ARID1B: variants seen among roughly 807,000 people sequenced by gnomAD.
ARID1B encodes the protein AT-rich interactive domain-containing protein 1B.
In ARID1B, 30 loss-of-function variants were observed where a neutral mutation model predicts 212.3. That is an observed-to-expected ratio of 0.14 (90% CI 0.11 to 0.19). The LOEUF (loss-of-function observed/expected upper bound fraction) is 0.19, where lower values mean the gene tolerates loss of function less well. ARID1B is among the 10% of genes least tolerant of loss of function. The probability of loss-of-function intolerance (pLI) is 1.00; values close to 1 mark genes in which losing one functional copy is unlikely to be tolerated. For synonymous variants in ARID1B, 1,402 were observed against 1,301.7 expected (o/e 1.08, Z -1.66); for missense variants, 2,891 against 3,204.0 (o/e 0.90, Z 2.36).
intron 6 of ARID1B, among the ~76,000 whole-genome samples, chr6:157,122,446 A>G (rs1354839964): frequency 6.6e-6 from 1 of 152,242 alleles, no homozygotes; most frequent in Non-Finnish European, 1.5e-5. Flanking sequence ...TAGATATACA[A>G]AATGTGGAAT....
intron 4 of ARID1B, among the ~76,000 whole-genome samples, chr6:157,016,099 GTGTC>G (rs1335318815): frequency 2.0e-5 from 3 of 152,202 alleles, no homozygotes; most frequent in Non-Finnish European, 4.4e-5. Flanking sequence ...CTTGTAGACA[GTGTC>G]TGTCAAATTA....
intron 4 of ARID1B, among the ~76,000 whole-genome samples, chr6:156,973,013 A>G (rs1777024674): frequency 6.6e-6 from 1 of 152,226 alleles, no homozygotes; most frequent in Admixed American, 6.5e-5. Flanking sequence ...ATTGTATTAT[A>G]TAAAACCATA....
At chr6:156,992,300 T>C (rs555161852) in intron 4 of ARID1B, among the ~76,000 whole-genome samples, 2 of 152,166 alleles carry the variant, frequency 1.3e-5, no homozygotes, top group Non-Finnish European at 2.9e-5. Flanking sequence ...ATCATTGCAG[T>C]TCGGTTGCTC....
chr6:156,974,447 G>A (rs1281643393), intron 4 of ARID1B, among the ~76,000 whole-genome samples: 1 of 152,190 alleles, frequency 6.6e-6, no homozygotes, highest in Non-Finnish European at 1.5e-5. Context: ...CAATTGTGTA[G>A]AGGTAAAGAG....
intron 11 of ARID1B, among the ~76,000 whole-genome samples, chr6:157,179,264 T>A (rs1354018790): frequency 6.6e-6 from 1 of 152,158 alleles, no homozygotes; most frequent in Non-Finnish European, 1.5e-5. Context: ...TACTAAAATT[T>A]AGGAACCTGT....
intron 4 of ARID1B, among the ~76,000 whole-genome samples, chr6:157,033,876 T>A (rs1781163407): frequency 6.6e-6 from 1 of 152,216 alleles, no homozygotes; most frequent in African/African-American, 2.4e-5. Context: ...TCTACTTTGT[T>A]ATCCTAAACC....
At chr6:157,031,954 G>A (rs1328849198) in intron 4 of ARID1B, among the ~76,000 whole-genome samples, 7 of 152,062 alleles carry the variant, frequency 4.6e-5, no homozygotes, top group Non-Finnish European at 8.8e-5. Context: ...GCGCCACCAC[G>A]CTCAGCTAAT....
chr6:156,778,998 G>GGCT lies in ARID1B; in HGVS notation c.1319_1321dup (p.Gly440_Tyr441insCys). On this transcript the variant is annotated inframe_insertion, in exon 1 of 20. Coordinates refer to ENST00000636930, the MANE Select transcript of ARID1B (RefSeq NM_001374828.1). ...AGCAGCAGGAGGCGGCGGCGGCGGC[G>GGCT]GCTATGGGGGCTCGTCCGCGGGGTA... 1 of 1,269,998 alleles carries GGCT rather than the reference G, an allele frequency of 7.9e-7. No individual in the cohort carries two copies. The highest frequency in any genetic ancestry group is 9.8e-7 in the Non-Finnish European group (1 of 1,018,744). The allele number at this position is 1,269,998 out of a possible 1,614,324, so 78.7% of individuals were successfully genotyped here.
At chr6:157,102,349 C>T (rs1306363589) in intron 5 of ARID1B, among the ~76,000 whole-genome samples, 2 of 152,174 alleles carry the variant, frequency 1.3e-5, no homozygotes, top group Non-Finnish European at 2.9e-5. Flanking sequence ...TACAAGTAAT[C>T]ATTTATCTAA....
chr6:156,895,814 T>A (rs1196946224), intron 2 of ARID1B, among the ~76,000 whole-genome samples: 1 of 152,174 alleles, frequency 6.6e-6, no homozygotes, highest in African/African-American at 2.4e-5. Context: ...TTGCTTCACA[T>A]CTTTCTTTTT....
chr6:157,175,074 A>G, intron 11 of ARID1B, 69 bp downstream of exon 11: 1 of 1,199,572 alleles, frequency 8.3e-7, no homozygotes, highest in Middle Eastern at 3.0e-4. Context: ...ATAATTAATT[A>G]ATTCTACTTG....
At chr6:156,808,914 T>C in intron 1 of ARID1B, among the ~76,000 whole-genome samples, 1 of 152,190 alleles carries the variant, frequency 6.6e-6, no homozygotes, top group Non-Finnish European at 1.5e-5. Flanking sequence ...TGTCTTAAGA[T>C]TTGTACACAC....
chr6:157,202,638 G>A (rs1305352239), intron 18 of ARID1B, among the ~76,000 whole-genome samples: 1 of 151,644 alleles, frequency 6.6e-6, no homozygotes, highest in African/African-American at 2.4e-5. Context: ...AGCAGTGACT[G>A]TGCCACTGTA....
At chr6:157,140,014 G>A (rs922179870) in intron 7 of ARID1B, among the ~76,000 whole-genome samples, 6 of 151,956 alleles carry the variant, frequency 3.9e-5, no homozygotes, top group South Asian at 2.1e-4. Context: ...ATGAGCCACC[G>A]TGCCCAGCCT....
intron 2 of ARID1B, among the ~76,000 whole-genome samples, chr6:156,883,055 A>C (rs991396878): frequency 4.6e-5 from 7 of 152,192 alleles, no homozygotes; most frequent in African/African-American, 1.7e-4. Context: ...CAACTGCCTT[A>C]GGTTTCTTCT....
At chr6:156,816,739 G>A (rs867500091) in intron 1 of ARID1B, among the ~76,000 whole-genome samples, 2 of 152,204 alleles carry the variant, frequency 1.3e-5, no homozygotes, top group African/African-American at 4.8e-5. Flanking sequence ...CATCGGCTTG[G>A]TGGTGCATAA....
At chr6:157,143,210 G>T (rs1319359710) in intron 7 of ARID1B, among the ~76,000 whole-genome samples, 1 of 152,192 alleles carries the variant, frequency 6.6e-6, no homozygotes, top group African/African-American at 2.4e-5. Flanking sequence ...TTGGCTGCAA[G>T]ACCAGTCCAG....
intron 2 of ARID1B, among the ~76,000 whole-genome samples, chr6:156,839,551 A>G (rs1783748168): frequency 6.6e-6 from 1 of 152,242 alleles, no homozygotes; most frequent in South Asian, 2.1e-4. Context: ...GCTGCCAGGA[A>G]GAGCTAATCT....
rs1406564750 is a variant in ARID1B at position 156,779,700 on chromosome 6, G to A, written c.1791+229G>A. The stretch of plus-strand genomic sequence containing the variant: ...GCTTCGCCGGGCCGGGCCGGGCCGG[G>A]TGGCTTCTACCCCGCCGGCCCGCAC... On this transcript the variant is annotated intron_variant, in intron 1 of 19. Transcript: ENST00000636930. The A allele has an allele frequency of 2.0e-5, 4 of 199,436 alleles. No homozygotes were observed. In the East Asian group the frequency reaches 6.8e-4, roughly 34 times the overall value. 12.4% of individuals were successfully genotyped at this position (199,436 alleles called of 1,614,324 possible).
Sources: gnomAD v4.1 joint callset for allele counts (sites outside exome capture counted in the v4.1 genomes callset) on GRCh38, gnomAD v4.1.1 for gene constraint, MANE v1.5 for transcripts, NCBI Gene and HGNC (gene_info 2026-07-23, HGNC 2026-07-21) for gene names.